GRID1: variants seen among roughly 807,000 people sequenced by gnomAD.
GRID1 encodes the protein glutamate ionotropic receptor delta type subunit 1.
In GRID1, 28 loss-of-function variants were observed where a neutral mutation model predicts 98.0. That is an observed-to-expected ratio of 0.29 (90% CI 0.21 to 0.39). The LOEUF is 0.39. Ranked by LOEUF, GRID1 falls within the 10% of genes least tolerant of loss-of-function variation. The pLI is 1.00. For missense variants in GRID1, 1,111 were observed against 1,340.5 expected (o/e 0.83, Z 2.67); for synonymous variants, 553 against 538.5 (o/e 1.03, Z -0.37).
Position 85,738,875 on chromosome 10 carries a change from G to A in GRID1, c.1234-9261C>T, listed in dbSNP as rs145089065. Reference sequence around the variant, plus strand: ...AAGGGTATCAAATGCAAAGAGGAAGGTGGGACATTTGGGGCTAATGGAAGT... The same window carrying A: ...AAGGGTATCAAATGCAAAGAGGAAGATGGGACATTTGGGGCTAATGGAAGT... On this transcript the variant is annotated intron_variant, in intron 8 of 15. Coordinates refer to ENST00000327946, the MANE Select transcript of GRID1 (RefSeq NM_017551.3). Among the ~76,000 whole-genome samples the A allele has an allele frequency of 2.1e-4, 32 of 152,290 alleles. No individual in the cohort carries two copies. The East Asian group carries it at 5.6e-3, about 27-fold the overall frequency.
intron 3 of GRID1, among the ~76,000 whole-genome samples, chr10:86,153,145 G>A (rs1354151675): frequency 6.6e-6 from 1 of 152,114 alleles, no homozygotes; most frequent in East Asian, 1.9e-4. Flanking sequence ...AGCCCAGTGG[G>A]TGCCAGGTCA....
chr10:86,070,957 CT>C (rs1349243003), intron 4 of GRID1, among the ~76,000 whole-genome samples: 1 of 152,206 alleles, frequency 6.6e-6, no homozygotes, highest in Non-Finnish European at 1.5e-5. Flanking sequence ...TGACCTGCAT[CT>C]CCAGGGGCCA....
At chr10:85,714,369 A>G (rs921513569) in intron 12 of GRID1, among the ~76,000 whole-genome samples, 9 of 152,066 alleles carry the variant, frequency 5.9e-5, no homozygotes, top group Admixed American at 3.3e-4. Flanking sequence ...CAGTTTATCT[A>G]TAAACAAACC....
intron 8 of GRID1, among the ~76,000 whole-genome samples, chr10:85,831,269 G>A (rs1466014099): frequency 6.6e-6 from 1 of 151,984 alleles, no homozygotes; most frequent in Non-Finnish European, 1.5e-5. Context: ...GAGTACAAAT[G>A]GACACTTGAG....
At chr10:86,255,916 C>G (rs921230419) in intron 2 of GRID1, among the ~76,000 whole-genome samples, 3 of 152,152 alleles carry the variant, frequency 2.0e-5, no homozygotes, top group Non-Finnish European at 4.4e-5. Context: ...TGCCGCACCC[C>G]CAACCACTAC....
At chr10:85,996,840 A>G (rs997148680) in intron 4 of GRID1, among the ~76,000 whole-genome samples, 7 of 151,640 alleles carry the variant, frequency 4.6e-5, no homozygotes, top group South Asian at 2.1e-4. Flanking sequence ...AAAAAAAAAA[A>G]AAAGAAAGAA....
intron 4 of GRID1, among the ~76,000 whole-genome samples, chr10:86,016,362 G>A (rs1842981046): frequency 6.6e-6 from 1 of 151,960 alleles, no homozygotes; most frequent in Non-Finnish European, 1.5e-5. Flanking sequence ...TAGCCAGGAT[G>A]GTAAGAGCAC....
intron 5 of GRID1, among the ~76,000 whole-genome samples, chr10:85,881,547 G>A (rs1001016914): frequency 1.1e-4 from 17 of 152,260 alleles, no homozygotes; most frequent in African/African-American, 4.1e-4. Flanking sequence ...TTAATAAATG[G>A]TGCTGGGAAA....
chr10:85,829,633 C>T (rs532343900), intron 8 of GRID1, among the ~76,000 whole-genome samples: 11 of 152,102 alleles, frequency 7.2e-5, no homozygotes, highest in South Asian at 4.2e-4. Context: ...CACAAAAATC[C>T]GTAGCATTTC....
chr10:86,262,232 C>G (rs1349385715), intron 2 of GRID1, among the ~76,000 whole-genome samples: 1 of 152,246 alleles, frequency 6.6e-6, no homozygotes, highest in Non-Finnish European at 1.5e-5. Context: ...GCCCAGGAAG[C>G]CAGGCAGAAA....
intron 3 of GRID1, among the ~76,000 whole-genome samples, chr10:86,169,797 C>A (rs1272665562): frequency 4.6e-5 from 7 of 152,220 alleles, no homozygotes; most frequent in Non-Finnish European, 8.8e-5. Flanking sequence ...GCAGGAGGAA[C>A]TCCCCAAAGA....
At chr10:86,008,625 CT>C (rs540151564) in intron 4 of GRID1, among the ~76,000 whole-genome samples, 64 of 152,130 alleles carry the variant, frequency 4.2e-4, no homozygotes, top group African/African-American at 1.5e-3. Context: ...AAGGAAACAC[CT>C]GTGAAAAATA....
In GRID1 at chr10:85,619,860, A is replaced by T. The variant is rs369276043; in HGVS notation, c.2360+7T>A. The T allele has an allele frequency of 9.0e-5, 145 of 1,612,580 alleles. No individual in the cohort carries two copies. The highest frequency in any genetic ancestry group is 8.7e-4 in the Admixed American group (52 of 60,000). ...GCAGCGGTAGTTACCTTGCTGCCCA[A>T]GCCTACCTCTGGGAGAAGAGGTCCC... On this transcript the variant is annotated splice_region_variant and intron_variant, in intron 14 of 15. Coordinates refer to ENST00000327946, the MANE Select transcript of GRID1 (RefSeq NM_017551.3).
At chr10:86,058,518 A>G (rs1843605460) in intron 4 of GRID1, among the ~76,000 whole-genome samples, 1 of 152,202 alleles carries the variant, frequency 6.6e-6, no homozygotes, top group Admixed American at 6.5e-5. Context: ...CTCTCCAGAG[A>G]AAGAAGTGAC....
chr10:85,740,126 T>C (rs1161481211), intron 8 of GRID1, among the ~76,000 whole-genome samples: 2 of 152,206 alleles, frequency 1.3e-5, no homozygotes, highest in Non-Finnish European at 2.9e-5. Context: ...TATTGGTTTT[T>C]TTCTCTCTAA....
At chr10:86,224,498 C>T (rs527713480) in intron 2 of GRID1, among the ~76,000 whole-genome samples, 1 of 152,288 alleles carries the variant, frequency 6.6e-6, no homozygotes, top group Admixed American at 6.5e-5. Flanking sequence ...GCTGCTTCTG[C>T]TCTGACAGGT....
chr10:85,867,289 A>T (rs951613600), intron 6 of GRID1, among the ~76,000 whole-genome samples: 2 of 152,082 alleles, frequency 1.3e-5, no homozygotes, highest in Non-Finnish European at 2.9e-5. Flanking sequence ...CTTCAAGGAG[A>T]CTGAGTGCAG....
intron 8 of GRID1, among the ~76,000 whole-genome samples, chr10:85,830,290 T>A (rs918063897): frequency 1.3e-5 from 2 of 151,906 alleles, no homozygotes; most frequent in Non-Finnish European, 2.9e-5. Flanking sequence ...CTTCCTTACA[T>A]CATATTTAAA....
intron 3 of GRID1, among the ~76,000 whole-genome samples, chr10:86,155,092 C>T (rs1478197047): frequency 1.3e-5 from 2 of 152,248 alleles, no homozygotes; most frequent in Non-Finnish European, 1.5e-5. Flanking sequence ...AGAAGCCCCT[C>T]ATTATTGTTA....
Sources: gnomAD v4.1 joint callset for allele counts (sites outside exome capture counted in the v4.1 genomes callset) on GRCh38, gnomAD v4.1.1 for gene constraint, MANE v1.5 for transcripts, NCBI Gene and HGNC (gene_info 2026-07-23, HGNC 2026-07-21) for gene names.